The following LCA5 variants were observed in gnomAD, a reference collection of about 807,000 sequenced individuals.
LCA5 encodes the protein lebercilin.
A neutral mutation model predicts 53.0 loss-of-function variants in LCA5; 37 were observed. The ratio of observed to expected loss-of-function variants is 0.70; its 90% CI spans 0.54 to 0.92. LCA5 has a LOEUF of 0.92. LCA5 is among the 40% of genes least tolerant of loss of function. The pLI, the probability that LCA5 is intolerant of heterozygous loss-of-function variation, is 0.00. For synonymous variants in LCA5, 303 were observed against 282.9 expected, an observed-to-expected ratio of 1.07 and a Z score of -0.71; for missense variants, 806 against 790.5, an observed-to-expected ratio of 1.02 and a Z score of -0.23.
chr6:79,492,551 C>A lies in LCA5; in HGVS notation c.955G>T (p.Ala319Ser). Residue 319 changes from alanine (A) to serine (S), a missense_variant and splice_region_variant, in exon 5 of 8, where the codon GCT becomes TCT. Transcript: ENST00000369846. ...KEKELALRKN[A>S]ACQSDFADLC... ...TTTTGAACAATCATATTTACCATAC[C>A]ATTTTTTCTTAATGCAAGTTCTTTC... 6.9e-7 allele frequency: 1 copy of A among 1,440,228 alleles called. No individual in the cohort carries two copies. Among genetic ancestry groups the A allele is most frequent in the South Asian group, 1.2e-5 (1 of 83,480 alleles). 89.2% of individuals were successfully genotyped at this position (1,440,228 alleles called of 1,614,324 possible).
intron 2 of LCA5, among the ~76,000 whole-genome samples, chr6:79,517,029 T>C (rs1766458094): frequency 6.6e-6 from 1 of 152,024 alleles, no homozygotes; most frequent in African/African-American, 2.4e-5. Context: ...AGGAAGAATA[T>C]GCTATCAAAC....
Position 79,491,652 on chromosome 6 carries a change from G to C in LCA5, c.1034C>G (p.Pro345Arg), listed in dbSNP as rs1317130768. ...TMEDFKPEEY[P>R]LTPETIMCYE... ...ACACATAATTGTTTCTGGAGTTAAAGGATATTCTTCTGGCTTGAAGTCTTC... is the reference window on the plus strand; with the variant it reads ...ACACATAATTGTTTCTGGAGTTAAACGATATTCTTCTGGCTTGAAGTCTTC... The change falls in exon 6 of 8, where the codon CCT (proline) becomes CGT (arginine). Residue 345 changes from proline (P) to arginine (R), a missense_variant. Coordinates refer to ENST00000369846, the MANE Select transcript of LCA5 (RefSeq NM_001122769.3). 4.3e-6 allele frequency: 7 copies of C among 1,613,044 alleles called. No individual in the cohort carries two copies. The highest frequency in any genetic ancestry group is 1.1e-5 in the South Asian group (1 of 91,080).
intron 1 of LCA5, among the ~76,000 whole-genome samples, chr6:79,532,149 A>G (rs1305787058): frequency 6.6e-6 from 1 of 152,104 alleles, no homozygotes; most frequent in Non-Finnish European, 1.5e-5. Context: ...TTCTTCCTAC[A>G]TCTCTCATCC....
chr6:79,519,053 C>T lies in LCA5; in HGVS notation c.-159G>A. 2 of 805,114 alleles carry T rather than the reference C, an allele frequency of 2.5e-6. No individual in the cohort carries two copies. The highest frequency in any genetic ancestry group is 2.5e-5 in the East Asian group (1 of 40,312). 49.9% of individuals were successfully genotyped at this position (805,114 alleles called of 1,614,324 possible). On this transcript the variant is annotated 5_prime_UTR_variant, in exon 2 of 8. It removes the in-frame stop codon of an upstream open reading frame in the 5' UTR. Transcript: ENST00000369846. The stretch of plus-strand genomic sequence containing the variant: ...CACAATGTATTTGTAGACCACAATT[C>T]ACATTGGCATCCAGAAGATAAACTT...
chr6:79,511,636 T>C (rs867747477), intron 3 of LCA5, among the ~76,000 whole-genome samples: 1 of 152,176 alleles, frequency 6.6e-6, no homozygotes, highest in Non-Finnish European at 1.5e-5. Context: ...TGAGTGCAGT[T>C]GATGAACTCT....
intron 2 of LCA5, among the ~76,000 whole-genome samples, chr6:79,517,737 G>A (rs1018779808): frequency 1.3e-4 from 20 of 152,240 alleles, no homozygotes; most frequent in Middle Eastern, 3.4e-3. Context: ...TTTAATAAGC[G>A]AATATTATTT....
chr6:79,493,416 TTTTG>T (rs1419722479), intron 4 of LCA5, among the ~76,000 whole-genome samples, 193 bp downstream of exon 4: 12 of 152,186 alleles, frequency 7.9e-5, no homozygotes, highest in African/African-American at 2.7e-4. Flanking sequence ...GTTTCACCTT[TTTTG>T]TTTTTGTTTT....
At chr6:79,535,656 G>C (rs1231768972) in intron 1 of LCA5, among the ~76,000 whole-genome samples, 1 of 152,086 alleles carries the variant, frequency 6.6e-6, no homozygotes, top group African/African-American at 2.4e-5. Flanking sequence ...CTATGGATAG[G>C]AAATTTATGT....
chr6:79,530,982 A>AT, intron 1 of LCA5, among the ~76,000 whole-genome samples: 1 of 152,328 alleles, frequency 6.6e-6, no homozygotes, highest in Non-Finnish European at 1.5e-5. Flanking sequence ...ACAAGATTAC[A>AT]TAACAATTTA....
Position 79,485,996 on chromosome 6 carries a change from C to G in LCA5, c.*1008G>C, listed in dbSNP as rs1346741080. ...AGGCAGAAGTCCTATGTCTGAAACACTTCTATTCAAAGTTGCTTTAAAACT... is the reference window on the plus strand; with the variant it reads ...AGGCAGAAGTCCTATGTCTGAAACAGTTCTATTCAAAGTTGCTTTAAAACT... On this transcript the variant is annotated 3_prime_UTR_variant, in exon 8 of 8. Transcript: ENST00000369846. 2 of 152,162 alleles carry G rather than the reference C, an allele frequency of 1.3e-5. No individual in the cohort carries two copies. Among genetic ancestry groups the G allele is most frequent in the African/African-American group, 4.8e-5 (2 of 41,438 alleles). The allele number at this position is 152,162 out of a possible 1,614,324, so 9.4% of individuals were successfully genotyped here.
Position 79,513,581 on chromosome 6 carries a change from A to G in LCA5, c.351T>C (p.Asn117=). 1 of 1,613,936 alleles carries G rather than the reference A, an allele frequency of 6.2e-7. No homozygotes were observed. The highest frequency in any genetic ancestry group is 8.5e-7 in the Non-Finnish European group (1 of 1,179,880). ...ARLLKINELQ[N]EVSELQVKLA... ...ACTTGACCTGGAGTTCAGATACTTC[A>G]TTCTGCAACTCATTGATTTTTAGCA... The change falls in exon 3 of 8, where the codon AAT becomes AAC. Residue 117 remains asparagine (N), a synonymous_variant. Transcript: ENST00000369846.
intron 1 of LCA5, among the ~76,000 whole-genome samples, chr6:79,536,244 G>C (rs1269278341): frequency 6.6e-6 from 1 of 152,094 alleles, no homozygotes; most frequent in Non-Finnish European, 1.5e-5. Context: ...CCATGCAAAA[G>C]AAAGAGGGAA....
intron 3 of LCA5, among the ~76,000 whole-genome samples, chr6:79,499,864 A>C (rs1213175097): frequency 2.0e-5 from 3 of 146,544 alleles, no homozygotes; most frequent in Non-Finnish European, 3.0e-5. Context: ...ACCCCACAAC[A>C]GTCCCCAGAG....
chr6:79,522,313 T>A (rs1193667901), intron 1 of LCA5, among the ~76,000 whole-genome samples: 1 of 152,094 alleles, frequency 6.6e-6, no homozygotes, highest in Non-Finnish European at 1.5e-5. Flanking sequence ...AATGGCTGTA[T>A]TGCTACAGAA....
At chr6:79,535,699 C>G (rs1767094285) in intron 1 of LCA5, among the ~76,000 whole-genome samples, 1 of 152,004 alleles carries the variant, frequency 6.6e-6, no homozygotes, top group African/African-American at 2.4e-5. Flanking sequence ...AAAAGTTTGA[C>G]AGTAACTCAA....
In LCA5 at chr6:79,518,808, C is replaced by T. The variant is rs369647371; in HGVS notation, c.87G>A (p.Thr29=). The T allele has an allele frequency of 2.7e-5, 43 of 1,613,964 alleles. No individual in the cohort carries two copies. Among genetic ancestry groups the T allele is most frequent in the African/African-American group, 1.2e-4 (9 of 74,914 alleles). The change falls in exon 2 of 8, where the codon ACG becomes ACA. Residue 29 remains threonine (T), a synonymous_variant. Coordinates refer to ENST00000369846, the MANE Select transcript of LCA5 (RefSeq NM_001122769.3). ...GCGATGATCGGCCAGAAGACTGTGGCGTTTCAAAATCAGATAAGTAAGAAT... is the reference window on the plus strand; with the variant it reads ...GCGATGATCGGCCAGAAGACTGTGGTGTTTCAAAATCAGATAAGTAAGAAT... The part of the protein sequence containing the change: ...HHYSYLSDFE[T]PQSSGRSSLV...
chr6:79,492,936 A>G (rs1769883840), intron 4 of LCA5, among the ~76,000 whole-genome samples: 1 of 152,136 alleles, frequency 6.6e-6, no homozygotes, highest in African/African-American at 2.4e-5. Context: ...TAACTGAGAC[A>G]CAGAGACAAA....
intron 1 of LCA5, among the ~76,000 whole-genome samples, chr6:79,531,074 A>C (rs1197537420): frequency 6.6e-6 from 1 of 152,132 alleles, no homozygotes; most frequent in Middle Eastern, 3.2e-3. Context: ...CCAAGTTCAC[A>C]ACTGGTCTAA....
Position 79,491,601 on chromosome 6 carries a change from C to A in LCA5, c.1085G>T (p.Gly362Val), listed in dbSNP as rs899869772. The change falls in exon 6 of 8, where the codon GGA (glycine) becomes GTA (valine). Residue 362 changes from glycine (G) to valine (V), a missense_variant. Transcript: ENST00000369846. ...MCYENKWEEPGHLTLDLQSQK... is the reference protein window; with the variant it reads ...MCYENKWEEPVHLTLDLQSQK... ...TGCTAAACTCACCAAAGTAAGATGT[C>A]CTGGTTCTTCCCATTTGTTTTCGTA... The A allele has an allele frequency of 1.2e-6, 2 of 1,612,978 alleles. No individual in the cohort carries two copies.
Sources: allele counts gnomAD v4.1 joint callset (sites outside exome capture counted in the v4.1 genomes callset), GRCh38; gene constraint gnomAD v4.1.1; transcripts MANE v1.5; gene names NCBI Gene and HGNC (gene_info 2026-07-23, HGNC 2026-07-21).